Variants in ELMO1 observed in about 807,000 individuals in gnomAD.
ELMO1 encodes the protein engulfment and cell motility protein 1.
In ELMO1, 26 loss-of-function variants were observed where a neutral mutation model predicts 98.9. The observed-to-expected ratio is 0.26, with a 90% CI of 0.19 to 0.36. The LOEUF (loss-of-function observed/expected upper bound fraction) is 0.36. Among genes scored for constraint, ELMO1 ranks in the 10% least tolerant of loss-of-function variants. The probability of loss-of-function intolerance (pLI) is 1.00; values close to 1 mark genes in which losing one functional copy is unlikely to be tolerated. For missense variants in ELMO1, 627 were observed against 935.2 expected, an observed-to-expected ratio of 0.67 and a Z score of 4.30; for synonymous variants, 346 against 346.0, an observed-to-expected ratio of 1.00 and a Z score of 0.00.
chr7:37,107,041 C>T (rs1167282054), intron 14 of ELMO1, among the ~76,000 whole-genome samples: 11 of 152,200 alleles, frequency 7.2e-5, no homozygotes, highest in Non-Finnish European at 4.4e-5. Context: ...AATTCTAGCC[C>T]TAGTCCTTCC....
intron 8 of ELMO1, among the ~76,000 whole-genome samples, chr7:37,228,324 G>T (rs16879625): frequency 0.064 from 9,723 of 152,218 alleles, 1,022 homozygotes; most frequent in African/African-American, 0.22. Flanking sequence ...AGCTAGAGAA[G>T]GTTATTCATG....
In ELMO1 at chr7:36,870,250, C is replaced by A; in HGVS notation, c.1905+143G>T. 1.5e-6 allele frequency: 1 copy of A among 647,748 alleles called. No individual in the cohort carries two copies. The highest frequency in any genetic ancestry group is 2.7e-6 in the Non-Finnish European group (1 of 376,592). 40.1% of individuals were successfully genotyped at this position (647,748 alleles called of 1,614,324 possible). A position where few individuals can be genotyped will look rare whatever the true frequency, so the allele number is the denominator to read the frequency against. On this transcript the variant is annotated intron_variant, in intron 20 of 21. Coordinates refer to ENST00000310758, the MANE Select transcript of ELMO1 (RefSeq NM_014800.11). This position sits in a 1 kb window ranked among gnomAD's most constrained non-coding sequence, Gnocchi z 4.4. Reference sequence around the variant, plus strand: ...GTAAGAGACGTAAAAGGAATCGGGACAGGAAACAGGAGAGCTGAATAAGAG... The same window carrying A: ...GTAAGAGACGTAAAAGGAATCGGGAAAGGAAACAGGAGAGCTGAATAAGAG...
chr7:37,407,507 C>CAAAAAAAAAAA (rs34117162), intron 1 of ELMO1, among the ~76,000 whole-genome samples: 1 of 91,670 alleles, frequency 1.1e-5, no homozygotes. Flanking sequence ...AACTCCATCT[C>CAAAAAAAAAAA]AAAAAAAAAA....
intron 15 of ELMO1, among the ~76,000 whole-genome samples, chr7:37,057,457 G>T (rs1481724173): frequency 1.3e-5 from 2 of 152,188 alleles, no homozygotes; most frequent in Non-Finnish European, 2.9e-5. Flanking sequence ...ATTTTGAAGT[G>T]ACATCAAGTT....
At chr7:37,217,145 G>A (rs2287126) in intron 10 of ELMO1, among the ~76,000 whole-genome samples, 14,613 of 152,194 alleles carry the variant, frequency 0.096, 917 homozygotes, top group East Asian at 0.23. Context: ...CAAAGAGTGA[G>A]TAATACATAT....
At chr7:37,163,502 C>A (rs542471275) in intron 13 of ELMO1, among the ~76,000 whole-genome samples, 2 of 149,166 alleles carry the variant, frequency 1.3e-5, no homozygotes, top group Non-Finnish European at 3.0e-5. Flanking sequence ...CATCCCCCAA[C>A]CCCACAACAG....
At chr7:37,083,824 T>C (rs947113021) in intron 15 of ELMO1, among the ~76,000 whole-genome samples, 43 of 152,194 alleles carry the variant, frequency 2.8e-4, no homozygotes, top group African/African-American at 1.0e-3. Flanking sequence ...CATCAAGTCC[T>C]GGTGGATAGG....
intron 16 of ELMO1, among the ~76,000 whole-genome samples, chr7:36,952,397 T>C (rs1489329313): frequency 6.6e-6 from 1 of 152,118 alleles, no homozygotes; most frequent in Non-Finnish European, 1.5e-5. Context: ...TTTTAGTAAA[T>C]GCCTCCAAGA....
At chr7:37,023,840 T>G (rs1192257322) in intron 15 of ELMO1, among the ~76,000 whole-genome samples, 1 of 152,180 alleles carries the variant, frequency 6.6e-6, no homozygotes, top group Non-Finnish European at 1.5e-5. Flanking sequence ...CACCTCAGCC[T>G]CTCAAAGTTC....
intron 2 of ELMO1, among the ~76,000 whole-genome samples, chr7:37,317,307 T>A (rs761262016): frequency 1.3e-5 from 2 of 152,212 alleles, no homozygotes; most frequent in Non-Finnish European, 2.9e-5. Context: ...CAATCCTCTA[T>A]GAGCACATTC....
chr7:37,062,191 T>C (rs1397134860), intron 15 of ELMO1, among the ~76,000 whole-genome samples: 24 of 152,248 alleles, frequency 1.6e-4, no homozygotes, highest in Non-Finnish European at 4.4e-5. Flanking sequence ...AGTATTTCTC[T>C]GACAATCACG....
intron 14 of ELMO1, among the ~76,000 whole-genome samples, chr7:37,114,447 A>G (rs1249259616): frequency 6.6e-6 from 1 of 152,162 alleles, no homozygotes; most frequent in Non-Finnish European, 1.5e-5. Flanking sequence ...GTTTGTTGGT[A>G]ACTGGGTCTT....
chr7:37,408,376 G>A (rs975132444), intron 1 of ELMO1, among the ~76,000 whole-genome samples: 7 of 152,176 alleles, frequency 4.6e-5, no homozygotes, highest in African/African-American at 9.7e-5. Context: ...AAGCCCCTAC[G>A]CTCTGTCTTT....
At chr7:36,972,981 ATGT>A (rs1168119865) in intron 16 of ELMO1, among the ~76,000 whole-genome samples, 3 of 152,116 alleles carry the variant, frequency 2.0e-5, no homozygotes, top group Non-Finnish European at 4.4e-5. Flanking sequence ...AGGTTTTGCC[ATGT>A]TGACCAGGCT....
intron 6 of ELMO1, among the ~76,000 whole-genome samples, chr7:37,252,932 T>C (rs1022301713): frequency 7.2e-5 from 11 of 152,184 alleles, no homozygotes; most frequent in Non-Finnish European, 1.5e-4. Context: ...GAACAGACAC[T>C]TCTCAAAAGA....
At chr7:36,902,409 C>T (rs1480407934) in intron 16 of ELMO1, among the ~76,000 whole-genome samples, 1 of 152,160 alleles carries the variant, frequency 6.6e-6, no homozygotes, top group Non-Finnish European at 1.5e-5. Context: ...GTGATGAGAC[C>T]TAATTTAGAG....
chr7:37,336,892 G>A (rs1174531668), intron 2 of ELMO1, among the ~76,000 whole-genome samples: 1 of 152,194 alleles, frequency 6.6e-6, no homozygotes, highest in African/African-American at 2.4e-5. Flanking sequence ...AGAGTTACTA[G>A]GTCAAGGGGA....
chr7:36,975,617 C>G (rs749464400), intron 16 of ELMO1, among the ~76,000 whole-genome samples: 1 of 151,988 alleles, frequency 6.6e-6, no homozygotes, highest in Non-Finnish European at 1.5e-5. Context: ...GAGGCCGAGG[C>G]GGGTGGATCA....
At chr7:37,217,656 C>T (rs759494661) in intron 10 of ELMO1, 7 of 455,954 alleles carry the variant, frequency 1.5e-5, no homozygotes, top group South Asian at 3.1e-5. Flanking sequence ...TGGACAGGAG[C>T]AGCACAGGAG....
Sources: allele counts gnomAD v4.1 joint callset (sites outside exome capture counted in the v4.1 genomes callset), GRCh38; gene constraint gnomAD v4.1.1; non-coding constraint Gnocchi (gnomAD v3.1); transcripts MANE v1.5; gene names NCBI Gene and HGNC (gene_info 2026-07-23, HGNC 2026-07-21).